Variants in SYN3 observed in about 807,000 individuals in gnomAD.
SYN3 encodes the protein synapsin III.
In SYN3, 35 loss-of-function variants were observed where a neutral mutation model predicts 65.8. That is an observed-to-expected ratio of 0.53 (90% CI 0.41 to 0.70). SYN3 has a LOEUF of 0.70. SYN3 is among the 30% of genes least tolerant of loss of function. The pLI, the probability that SYN3 is intolerant of heterozygous loss-of-function variation, is 0.00. For synonymous variants in SYN3, 270 were observed against 292.9 expected (o/e 0.92, Z 0.80); for missense variants, 680 against 749.0 (o/e 0.91, Z 1.08).
chr22:32,517,287 C>T (rs1321654931), intron 13 of SYN3, among the ~76,000 whole-genome samples: 1 of 152,220 alleles, frequency 6.6e-6, no homozygotes, highest in Non-Finnish European at 1.5e-5. Context: ...TGTACTTTCT[C>T]CCTTTTTAAA....
intron 6 of SYN3, among the ~76,000 whole-genome samples, chr22:32,840,239 A>C (rs2047854970): frequency 6.6e-6 from 1 of 152,190 alleles, no homozygotes; most frequent in Non-Finnish European, 1.5e-5. Context: ...TGCCAAAAAA[A>C]CCTGCTTAAA....
intron 7 of SYN3, 31 bp from the exon 8 acceptor site, chr22:32,541,744 A>G: frequency 6.2e-7 from 1 of 1,606,116 alleles, no homozygotes; most frequent in Non-Finnish European, 8.5e-7. Context: ...GATGAGTGCC[A>G]CCCACCCCGT....
intron 12 of SYN3, among the ~76,000 whole-genome samples, chr22:32,525,399 C>T (rs988071901): frequency 1.3e-5 from 2 of 152,084 alleles, no homozygotes; most frequent in Non-Finnish European, 2.9e-5. Flanking sequence ...GAGATGTAAT[C>T]TACTCCTGAT....
At chr22:32,806,171 C>G (rs891841673) in intron 6 of SYN3, among the ~76,000 whole-genome samples, 2 of 152,044 alleles carry the variant, frequency 1.3e-5, no homozygotes, top group Non-Finnish European at 1.5e-5. Flanking sequence ...GGTACCCGGT[C>G]TGCCAGTGTG....
chr22:32,772,556 G>A (rs999838078), intron 6 of SYN3, among the ~76,000 whole-genome samples: 1 of 152,080 alleles, frequency 6.6e-6, no homozygotes, highest in Admixed American at 6.5e-5. Context: ...GCCCATAAAT[G>A]TTAACTTATT....
At chr22:32,606,006 C>A (rs1194853103) in intron 6 of SYN3, among the ~76,000 whole-genome samples, 5 of 152,234 alleles carry the variant, frequency 3.3e-5, no homozygotes, top group South Asian at 2.1e-4. Flanking sequence ...ATTTTGGTCA[C>A]TGAGGAGTTG....
intron 6 of SYN3, among the ~76,000 whole-genome samples, chr22:32,736,601 AAT>A (rs2061339405): frequency 6.6e-6 from 1 of 152,158 alleles, no homozygotes; most frequent in Admixed American, 6.5e-5. Flanking sequence ...CAGGAATGAT[AAT>A]ATAATTGTCC....
chr22:32,527,318 C>T (rs1472289732), intron 12 of SYN3, among the ~76,000 whole-genome samples: 1 of 152,132 alleles, frequency 6.6e-6, no homozygotes, highest in African/African-American at 2.4e-5. Context: ...CAACTTTTAC[C>T]TCGCAGTAGA....
chr22:32,941,996 C>A (rs1234689098), intron 3 of SYN3, among the ~76,000 whole-genome samples: 1 of 152,240 alleles, frequency 6.6e-6, no homozygotes, highest in East Asian at 1.9e-4. Flanking sequence ...GGCCTGCCTA[C>A]CTCTGTAGAC....
intron 5 of SYN3, among the ~76,000 whole-genome samples, chr22:32,865,590 T>C (rs943213946): frequency 6.6e-6 from 1 of 152,194 alleles, no homozygotes; most frequent in Admixed American, 6.5e-5. Context: ...CTAGGTGTTA[T>C]ATTAATAAAT....
At chr22:32,692,155 C>CAAAAAAAAAAAAAAAAAAAAAAA (rs1188224009) in intron 6 of SYN3, among the ~76,000 whole-genome samples, 21 of 34,486 alleles carry the variant, frequency 6.1e-4, no homozygotes, top group Admixed American at 8.4e-4. Flanking sequence ...GACAAAAAGA[C>CAAAAAAAAAAAAAAAAAAAAAAA]AAAAAAAAAA....
chr22:32,755,892 T>TA (rs1228798186), intron 6 of SYN3, among the ~76,000 whole-genome samples: 1 of 151,826 alleles, frequency 6.6e-6, no homozygotes, highest in Non-Finnish European at 1.5e-5. Context: ...TATACAGCCA[T>TA]AAAAAAGAAT....
intron 6 of SYN3, among the ~76,000 whole-genome samples, chr22:32,626,784 C>G (rs1165949339): frequency 6.6e-6 from 1 of 152,138 alleles, no homozygotes; most frequent in Non-Finnish European, 1.5e-5. Flanking sequence ...GTGCGGGCAC[C>G]AATCCTAGGG....
chr22:32,928,586 A>G (rs1367573883), intron 4 of SYN3, among the ~76,000 whole-genome samples: 1 of 152,198 alleles, frequency 6.6e-6, no homozygotes, highest in Non-Finnish European at 1.5e-5. Context: ...ATTGGGGACC[A>G]TCTGTAATCT....
chr22:32,542,521 C>A, intron 7 of SYN3, among the ~76,000 whole-genome samples: 2 of 146,100 alleles, frequency 1.4e-5, no homozygotes, highest in East Asian at 4.0e-4. Flanking sequence ...GTGTAGTATG[C>A]GGTGCTTCTG....
chr22:32,610,646 A>AT (rs1458600433), intron 6 of SYN3, among the ~76,000 whole-genome samples: 1 of 71,826 alleles, frequency 1.4e-5, no homozygotes, highest in East Asian at 4.2e-4. Flanking sequence ...GCAATCACGC[A>AT]ATCTTGGCTC....
In SYN3 at chr22:32,512,620, A is replaced by T. The variant is rs545523296; in HGVS notation, c.*1072T>A. 1 of 152,354 alleles carries T rather than the reference A, an allele frequency of 6.6e-6. No individual in the cohort carries two copies. The highest frequency in any genetic ancestry group is 1.5e-5 in the Non-Finnish European group (1 of 68,018). The allele number at this position is 152,354 out of a possible 1,614,324, so 9.4% of individuals were successfully genotyped here. On this transcript the variant is annotated 3_prime_UTR_variant, in exon 14 of 14. Coordinates refer to ENST00000358763, the MANE Select transcript of SYN3 (RefSeq NM_003490.4). The stretch of plus-strand genomic sequence containing the variant: ...AAGCCTTTGACATATATTATATACA[A>T]TGCGTCTCCAAAAAAAGAAATACAA...
intron 7 of SYN3, among the ~76,000 whole-genome samples, chr22:32,582,227 T>C (rs1486513329): frequency 6.6e-6 from 1 of 152,238 alleles, no homozygotes; most frequent in Non-Finnish European, 1.5e-5. Flanking sequence ...CCTGGTCCCT[T>C]GGGCATCTGA....
intron 6 of SYN3, among the ~76,000 whole-genome samples, chr22:32,777,129 T>A (rs2045925815): frequency 6.6e-6 from 1 of 152,124 alleles, no homozygotes; most frequent in Non-Finnish European, 1.5e-5. Flanking sequence ...TCACATAATT[T>A]CTTTAGCTGT....
Sources: gnomAD v4.1 joint callset for allele counts (sites outside exome capture counted in the v4.1 genomes callset) on GRCh38, gnomAD v4.1.1 for gene constraint, MANE v1.5 for transcripts, NCBI Gene and HGNC (gene_info 2026-07-23, HGNC 2026-07-21) for gene names.